Variants in MYH16 observed in about 807,000 individuals in gnomAD.
MYH16 encodes the protein putative uncharacterized protein MYH16.
chr7:99,308,160 T>A (rs1263546916), downstream of MYH16, among the ~76,000 whole-genome samples: 3 of 151,872 alleles, frequency 2.0e-5, no homozygotes, highest in Non-Finnish European at 4.4e-5. Context: ...CCAGGCGTGA[T>A]GGCACACGCC....
chr7:99,296,607 G>A, intron 33 of MYH16, 94 bp from the exon 15 acceptor site: 1 of 424,450 alleles, frequency 2.4e-6, no homozygotes, highest in South Asian at 1.7e-5. Flanking sequence ...GAGTTACTGG[G>A]GAAAGGGAGG....
exon 36 of MYH16, chr7:99,297,995 G>T: frequency 2.2e-6 from 1 of 456,722 alleles, no homozygotes; most frequent in Non-Finnish European, 4.4e-6. Context: ...GAGGCTACCA[G>T]GTATGGAGCT....
At chr7:99,242,884 G>T (rs1420317109) in intron 1 of MYH16, among the ~76,000 whole-genome samples, 3 of 152,220 alleles carry the variant, frequency 2.0e-5, no homozygotes, top group Non-Finnish European at 4.4e-5. Flanking sequence ...TCTGCAAAGT[G>T]TCCATGGGAT....
intron 21 of MYH16, among the ~76,000 whole-genome samples, chr7:99,278,096 C>T (rs2150819151): frequency 6.6e-6 from 1 of 152,128 alleles, no homozygotes; most frequent in East Asian, 1.9e-4. Context: ...GTAGCTGGGA[C>T]TACACCACCA....
At position 99,288,922 on chromosome 7, in the gene MYH16, G is replaced by A. The variant is rs1282932552; in HGVS notation, n.3707-365G>A. Among the ~76,000 whole-genome samples, 8 of 152,060 alleles carry A rather than the reference G, an allele frequency of 5.3e-5. No individual in the cohort carries two copies. In the East Asian group the frequency reaches 1.4e-3, roughly 26 times the overall value. The stretch of plus-strand genomic sequence containing the variant: ...TTGAGCCCAGTTCAAGACCAGCCTG[G>A]GCAACACAGTGAAACCCTGTCTCTA... On this transcript the variant is annotated intron_variant and non_coding_transcript_variant, in intron 29 of 41. Transcript: ENST00000439784.
intron 37 of MYH16, among the ~76,000 whole-genome samples, chr7:99,300,191 C>T (rs1388605963): frequency 1.3e-5 from 2 of 151,842 alleles, no homozygotes; most frequent in East Asian, 3.9e-4. Flanking sequence ...AATGCCTGAC[C>T]TCAGGTGATC....
chr7:99,248,284 T>A (rs1038590608), intron 3 of MYH16, among the ~76,000 whole-genome samples: 20 of 152,182 alleles, frequency 1.3e-4, no homozygotes, highest in Admixed American at 1.1e-3. Flanking sequence ...GTATTATTAG[T>A]AGAGATGGGG....
chr7:99,301,954 A>T (rs889402072), intron 38 of MYH16, 150 bp downstream of exon 19: 1 of 152,138 alleles, frequency 6.6e-6, no homozygotes, highest in Admixed American at 6.6e-5. Flanking sequence ...AATCCTCAAA[A>T]CTCATCTGCA....
chr7:99,251,206 G>T, intron 6 of MYH16: 1 of 205,134 alleles, frequency 4.9e-6, no homozygotes, highest in South Asian at 9.2e-5. Flanking sequence ...GGGACCACAT[G>T]AGAGGCCCCC....
intron 19 of MYH16, among the ~76,000 whole-genome samples, chr7:99,273,013 C>G (rs1048331713): frequency 2.0e-5 from 3 of 152,130 alleles, no homozygotes; most frequent in Non-Finnish European, 2.9e-5. Flanking sequence ...TTTGCAGATC[C>G]ATGGGATTTG....
chr7:99,299,847 A>G (rs932857040), intron 37 of MYH16, among the ~76,000 whole-genome samples, 189 bp downstream of exon 18: 3 of 152,188 alleles, frequency 2.0e-5, no homozygotes, highest in South Asian at 2.1e-4. Context: ...TCAACCACCG[A>G]AAGTCCAGAT....
rs191989513 is a variant in MYH16, at chr7:99,260,225, A to G, written n.1466A>G. On this transcript the variant is annotated non_coding_transcript_exon_variant, in exon 12 of 42. Coordinates refer to ENST00000439784, the Ensembl canonical transcript of MYH16. ...AACGAGAAGCTGCAGCAGTTCTTCA[A>G]CCACCACATGTTCGTGCTGGAGCAG... The G allele has an allele frequency of 5.7e-5, 91 of 1,610,534 alleles. No homozygotes were observed. The African/African-American group carries it at 9.2e-4, about 16-fold the overall frequency.
chr7:99,303,581 G>A (rs759587130), intron 39 of MYH16, among the ~76,000 whole-genome samples: 1 of 152,212 alleles, frequency 6.6e-6, no homozygotes, highest in Non-Finnish European at 1.5e-5. Context: ...CAGCAGGACT[G>A]CTTGAGGCCA....
exon 3 of MYH16, chr7:99,247,623 C>A: frequency 5.3e-6 from 1 of 189,816 alleles, no homozygotes. Flanking sequence ...GCGTGACGGT[C>A]AACCCCTACA....
chr7:99,265,177 T>A (rs570848712), exon 16 of MYH16: 1 of 152,532 alleles, frequency 6.6e-6, no homozygotes, highest in East Asian at 1.9e-4. Flanking sequence ...CCCCAATGAG[T>A]TTAAGCAATC....
At chr7:99,240,107 C>A (rs1791649765) in intron 1 of MYH16, among the ~76,000 whole-genome samples, 1 of 151,604 alleles carries the variant, frequency 6.6e-6, no homozygotes. Flanking sequence ...GTATTCTTGG[C>A]AGACCCCTGG....
chr7:99,274,546 C>A (rs942278318), intron 20 of MYH16, among the ~76,000 whole-genome samples: 1 of 152,170 alleles, frequency 6.6e-6, no homozygotes, highest in African/African-American at 2.4e-5. Context: ...ACACACAGGC[C>A]GGCCCTGGAG....
chr7:99,277,877 TCGTG>T (rs1792136691), intron 21 of MYH16, among the ~76,000 whole-genome samples, 165 bp downstream of exon 3: 1 of 118,518 alleles, frequency 8.4e-6, no homozygotes, highest in South Asian at 2.8e-4. Context: ...TCCATCCAAT[TCGTG>T]TGTGTGTGTG....
intron 31 of MYH16, among the ~76,000 whole-genome samples, 190 bp downstream of exon 12, chr7:99,291,640 C>A (rs888574655): frequency 7.2e-6 from 1 of 138,810 alleles, no homozygotes; most frequent in Admixed American, 7.1e-5. Flanking sequence ...CCCCCCACCC[C>A]CAACGCCATC....
Sources: allele counts gnomAD v4.1 joint callset (sites outside exome capture counted in the v4.1 genomes callset), GRCh38; gene constraint gnomAD v4.1.1; transcripts MANE v1.5; gene names NCBI Gene and HGNC (gene_info 2026-07-23, HGNC 2026-07-21).